LYPD6: variants seen among roughly 807,000 people sequenced by gnomAD.
LYPD6 encodes ly6/PLAUR domain-containing protein 6.
A neutral mutation model predicts 22.7 loss-of-function variants in LYPD6; 15 were observed. That is an observed-to-expected ratio of 0.66 (90% confidence interval 0.44 to 1.02). The LOEUF (loss-of-function observed/expected upper bound fraction) is 1.02. Ranked by LOEUF, LYPD6 falls within the 50% of genes least tolerant of loss-of-function variation. The probability of loss-of-function intolerance (pLI) is 0.00; values close to 1 mark genes in which losing one functional copy is unlikely to be tolerated. For missense variants in LYPD6, 189 were observed against 208.4 expected, an observed-to-expected ratio of 0.91 and a Z score of 0.57; for synonymous variants, 72 against 77.5, an observed-to-expected ratio of 0.93 and a Z score of 0.37.
In LYPD6 at chr2:149,416,077, G is replaced by T. The variant is rs115410853; in HGVS notation, c.-71-21561G>T. On this transcript the variant is annotated intron_variant, in intron 1 of 4. Coordinates refer to ENST00000334166, the MANE Select transcript of LYPD6 (RefSeq NM_194317.5). The stretch of plus-strand genomic sequence containing the variant: ...CAGACCTCTTTTTCTACTCAAGTTT[G>T]AAGAGCAGTGCCTCCGTGACTTCCA... Among the ~76,000 whole-genome samples the T allele has an allele frequency of 2.7e-3, 413 of 152,310 alleles. 6 individuals are homozygous for T. The highest frequency in any genetic ancestry group is 8.8e-3 in the African/African-American group (365 of 41,572).
intron 2 of LYPD6, among the ~76,000 whole-genome samples, chr2:149,441,944 G>A (rs919934444): frequency 1.3e-5 from 2 of 152,084 alleles, no homozygotes; most frequent in African/African-American, 2.4e-5. Context: ...ATTCCTGTGG[G>A]GGCTTGTTTG....
In LYPD6 at chr2:149,457,267, A is replaced by AAGATATGTT. The variant is rs368538733; in HGVS notation, c.217+8122_217+8130dup. Reference sequence around the variant, plus strand: ...TGATGAGACTATTCAAATTCAATGGAAGATATGTTATAGACGTCGTAGAAC... The same window carrying AAGATATGTT: ...TGATGAGACTATTCAAATTCAATGGAAGATATGTTAGATATGTTATAGACGTCGTAGAAC... On this transcript the variant is annotated intron_variant, in intron 3 of 4. Coordinates refer to ENST00000334166, the MANE Select transcript of LYPD6 (RefSeq NM_194317.5). Among the ~76,000 whole-genome samples the AAGATATGTT allele has an allele frequency of 7.6e-3, 1,157 of 152,322 alleles. 12 individuals carry two copies. The highest frequency in any genetic ancestry group is 0.026 in the African/African-American group (1,079 of 41,570).
chr2:149,333,852 G>A (rs1375143646), intron 1 of LYPD6, among the ~76,000 whole-genome samples: 1 of 152,170 alleles, frequency 6.6e-6, no homozygotes, highest in African/African-American at 2.4e-5. Flanking sequence ...ATGTAATGAT[G>A]AATGATATGT....
Position 149,412,686 on chromosome 2 carries a change from T to C in LYPD6, c.-71-24952T>C, listed in dbSNP as rs576821618. Among the ~76,000 whole-genome samples, 22 of 152,336 alleles carry C rather than the reference T, an allele frequency of 1.4e-4. 1 individual carries two copies. The South Asian group carries it at 4.6e-3, about 32-fold the overall frequency. ...ATATCCAATTGACTAGAAATCAGTTTTCAATATTGCATTGTGAGCAATATT... is the reference window on the plus strand; with the variant it reads ...ATATCCAATTGACTAGAAATCAGTTCTCAATATTGCATTGTGAGCAATATT... On this transcript the variant is annotated intron_variant, in intron 1 of 4. Coordinates refer to ENST00000334166, the MANE Select transcript of LYPD6 (RefSeq NM_194317.5).
intron 1 of LYPD6, among the ~76,000 whole-genome samples, chr2:149,397,272 C>A (rs1682447872): frequency 6.6e-6 from 1 of 152,182 alleles, no homozygotes. Context: ...GCAGCAGTGG[C>A]TGGAGTCATC....
intron 1 of LYPD6, among the ~76,000 whole-genome samples, chr2:149,432,274 A>G (rs1023195011): frequency 2.6e-5 from 4 of 152,242 alleles, no homozygotes; most frequent in Non-Finnish European, 5.9e-5. Context: ...AACAGAATGC[A>G]TATGTCCACA....
chr2:149,477,644 A>G (rs945317706), downstream of LYPD6, among the ~76,000 whole-genome samples: 6 of 150,852 alleles, frequency 4.0e-5, no homozygotes, highest in African/African-American at 9.7e-5. Flanking sequence ...AAAAAAAAAA[A>G]AAAAGAAACA....
At chr2:149,482,531 G>T in the LYPD6 span, among the ~76,000 whole-genome samples, 1 of 152,174 alleles carries the variant, frequency 6.6e-6, no homozygotes, top group Non-Finnish European at 1.5e-5. Context: ...TATACCAGGA[G>T]TCAGACCTGT....
intron 1 of LYPD6, among the ~76,000 whole-genome samples, chr2:149,422,348 C>T (rs1683099153): frequency 6.6e-6 from 1 of 152,172 alleles, no homozygotes; most frequent in Admixed American, 6.5e-5. Context: ...AGCCTGTGCT[C>T]CTGGACTGTA....
chr2:149,483,902 C>G, the LYPD6 span, among the ~76,000 whole-genome samples: 2 of 152,088 alleles, frequency 1.3e-5, no homozygotes, highest in African/African-American at 2.4e-5. Context: ...ATCATAGTGA[C>G]AAGAGAGAAC....
intron 1 of LYPD6, among the ~76,000 whole-genome samples, chr2:149,374,952 A>C (rs1399558545): frequency 6.6e-6 from 1 of 152,088 alleles, no homozygotes; most frequent in Non-Finnish European, 1.5e-5. Flanking sequence ...CTATTTGTGG[A>C]GCTTGTTTGG....
intron 1 of LYPD6, among the ~76,000 whole-genome samples, chr2:149,391,463 T>C (rs2105098584): frequency 6.6e-6 from 1 of 152,256 alleles, no homozygotes; most frequent in African/African-American, 2.4e-5. Flanking sequence ...TTGTGGGTTT[T>C]TTTTTTCTTT....
At chr2:149,344,502 G>A (rs147625281) in intron 1 of LYPD6, among the ~76,000 whole-genome samples, 278 of 152,260 alleles carry the variant, frequency 1.8e-3, no homozygotes, top group African/African-American at 6.5e-3. Context: ...GTTTTATTCC[G>A]ACAGAGGCGT....
chr2:149,366,896 A>G (rs1460699529), intron 1 of LYPD6, among the ~76,000 whole-genome samples: 6 of 152,072 alleles, frequency 3.9e-5, no homozygotes, highest in Non-Finnish European at 7.4e-5. Context: ...CATTTTACAC[A>G]CTGTCATGTG....
At chr2:149,386,882 A>T (rs184253523) in intron 1 of LYPD6, among the ~76,000 whole-genome samples, 113 of 152,336 alleles carry the variant, frequency 7.4e-4, no homozygotes, top group Non-Finnish European at 1.5e-3. Context: ...AAAGAGTTTT[A>T]TCAAGACTTG....
intron 1 of LYPD6, among the ~76,000 whole-genome samples, chr2:149,409,531 C>T (rs1682807317): frequency 6.6e-6 from 1 of 152,066 alleles, no homozygotes; most frequent in African/African-American, 2.4e-5. Context: ...TGGCCTTTGT[C>T]TTTGGTTACC....
intron 1 of LYPD6, among the ~76,000 whole-genome samples, chr2:149,351,392 T>TAA (rs71397025): frequency 0.017 from 1,431 of 82,994 alleles, 28 homozygotes; most frequent in East Asian, 0.03. Flanking sequence ...AGACTCCATC[T>TAA]AAAAAAAAAA....
intron 1 of LYPD6, among the ~76,000 whole-genome samples, chr2:149,389,602 T>C (rs953731901): frequency 1.3e-5 from 2 of 152,168 alleles, no homozygotes; most frequent in African/African-American, 4.8e-5. Flanking sequence ...TCACAATGCC[T>C]GCATCTGAAT....
intron 3 of LYPD6, among the ~76,000 whole-genome samples, chr2:149,458,964 G>A (rs538248172): frequency 9.7e-4 from 147 of 152,288 alleles, no homozygotes; most frequent in South Asian, 5.8e-3. Context: ...TGTAACAAAT[G>A]TTTTAACACT....
Sources: gnomAD v4.1 joint callset for allele counts (sites outside exome capture counted in the v4.1 genomes callset) on GRCh38, gnomAD v4.1.1 for gene constraint, MANE v1.5 for transcripts, NCBI Gene and HGNC (gene_info 2026-07-23, HGNC 2026-07-21) for gene names.